The following PDCD6 variants were observed in gnomAD, a reference collection of about 807,000 sequenced individuals.
PDCD6 encodes the protein programmed cell death 6, also known as programmed cell death protein 6.
In PDCD6, 12 loss-of-function variants were observed where a neutral mutation model predicts 28.3. That is an observed-to-expected ratio of 0.42 (90% confidence interval 0.27 to 0.69). PDCD6 has a LOEUF of 0.69. Among genes scored for constraint, PDCD6 ranks in the 30% least tolerant of loss-of-function variants. PDCD6 has a pLI of 0.22. For missense variants in PDCD6, 226 were observed against 269.9 expected (o/e 0.84, Z 1.14); for synonymous variants, 92 against 108.0 (o/e 0.85, Z 0.92).
intron 4 of PDCD6, 136 bp from the exon 5 acceptor site, chr5:311,157 G>A: frequency 1.4e-6 from 1 of 695,868 alleles, no homozygotes. Flanking sequence ...GCCTTTGAGG[G>A]AATTTGCACT....
At chr5:290,273 C>A in intron 2 of PDCD6, 1 of 1,482,938 alleles carries the variant, frequency 6.7e-7, no homozygotes. Flanking sequence ...TTCCTTTTTC[C>A]CCTCTTCTCA....
intron 2 of PDCD6, among the ~76,000 whole-genome samples, chr5:301,923 A>C (rs1740082719): frequency 6.8e-6 from 1 of 146,610 alleles, no homozygotes; most frequent in Non-Finnish European, 1.5e-5. Context: ...CTTTGTGGGA[A>C]GAGCACAGCT....
At chr5:291,931 C>T (rs1579509689) in intron 2 of PDCD6, among the ~76,000 whole-genome samples, 2 of 152,332 alleles carry the variant, frequency 1.3e-5, no homozygotes, top group Admixed American at 6.5e-5. Context: ...AATTTCATCC[C>T]AGGTAAGAAA....
chr5:299,650 C>A (rs1359828572), intron 2 of PDCD6, among the ~76,000 whole-genome samples: 1 of 151,970 alleles, frequency 6.6e-6, no homozygotes, highest in South Asian at 2.1e-4. Context: ...CCCGGGTTCA[C>A]GCCATTCTCC....
At chr5:280,484 C>T (rs1303221395) in intron 2 of PDCD6, among the ~76,000 whole-genome samples, 2 of 148,972 alleles carry the variant, frequency 1.3e-5, no homozygotes, top group African/African-American at 2.5e-5. Flanking sequence ...GACCATAGAC[C>T]GAAGTAGAGG....
At chr5:308,605 A>G (rs1022575353) in intron 4 of PDCD6, 9 of 152,138 alleles carry the variant, frequency 5.9e-5, no homozygotes, top group African/African-American at 2.2e-4. Context: ...TATTTTGATG[A>G]TTTTGAAAGA....
intron 2 of PDCD6, among the ~76,000 whole-genome samples, chr5:291,086 A>C (rs60160785): frequency 0.093 from 14,170 of 151,762 alleles, 2,035 homozygotes; most frequent in African/African-American, 0.32. Flanking sequence ...GCCCTGCCTG[A>C]GTCCCGGGTC....
chr5:314,518 C>A lies in PDCD6; in HGVS notation c.*3C>A. The stretch of plus-strand genomic sequence containing the variant: ...CCATGGTCTTCAGTATCGTATGACC[C>A]TGGCCTCTCGTGAAGAGCAGCACAA... On this transcript the variant is annotated 3_prime_UTR_variant, in exon 6 of 6. Transcript: ENST00000264933. 6.2e-7 allele frequency: 1 copy of A among 1,603,330 alleles called. No individual in the cohort carries two copies. Among genetic ancestry groups the A allele is most frequent in the Non-Finnish European group, 8.5e-7 (1 of 1,170,428 alleles).
At chr5:297,944 A>C (rs952128429) in intron 2 of PDCD6, among the ~76,000 whole-genome samples, 3 of 152,244 alleles carry the variant, frequency 2.0e-5, no homozygotes, top group Non-Finnish European at 2.9e-5. Flanking sequence ...TCTTAAAAAG[A>C]GATCTCAAGC....
chr5:271,839 C>T lies in PDCD6; in HGVS notation c.101+18C>T, dbSNP rs1453158282. 2 of 1,325,456 alleles carry T rather than the reference C, an allele frequency of 1.5e-6. No homozygotes were observed. The highest frequency in any genetic ancestry group is 2.9e-5 in the East Asian group (1 of 34,514). The allele number at this position is 1,325,456 out of a possible 1,614,324, so 82.1% of individuals were successfully genotyped here. ...TTCCAGAGGTGCGGCCTGGCACCGC[C>T]CGGGCACCTCCCGCCTCCGCCGCGG... On this transcript the variant is annotated intron_variant, in intron 1 of 5. Coordinates refer to ENST00000264933, the MANE Select transcript of PDCD6 (RefSeq NM_013232.4).
intron 2 of PDCD6, among the ~76,000 whole-genome samples, chr5:297,691 C>T (rs919374311): frequency 6.6e-6 from 1 of 152,196 alleles, no homozygotes; most frequent in African/African-American, 2.4e-5. Context: ...TCGCAAACGG[C>T]CCACAAGAAA....
intron 2 of PDCD6, among the ~76,000 whole-genome samples, chr5:283,186 G>A (rs1233169514): frequency 6.6e-6 from 1 of 151,540 alleles, no homozygotes; most frequent in Non-Finnish European, 1.5e-5. Context: ...AGGAGCTGAT[G>A]ATCTAGATTC....
intron 2 of PDCD6, among the ~76,000 whole-genome samples, chr5:297,899 A>AATCG (rs1739721572): frequency 6.6e-6 from 1 of 152,258 alleles, no homozygotes; most frequent in Non-Finnish European, 1.5e-5. Flanking sequence ...GAAAAAAGAA[A>AATCG]ATCGACTTAT....
At chr5:300,575 A>T (rs918179290) in intron 2 of PDCD6, among the ~76,000 whole-genome samples, 1 of 152,246 alleles carries the variant, frequency 6.6e-6, no homozygotes, top group African/African-American at 2.4e-5. Context: ...TGGGCAAAGC[A>T]CAGCATCTAC....
At chr5:280,326 T>G (rs1471663945) in intron 2 of PDCD6, among the ~76,000 whole-genome samples, 1 of 151,996 alleles carries the variant, frequency 6.6e-6, no homozygotes, top group East Asian at 1.9e-4. Flanking sequence ...GGGAGAGACC[T>G]TAGGCCAGAG....
rs755882063 is a variant in PDCD6, at chr5:306,591, C to T, written c.209-11C>T. On this transcript the variant is annotated splice_polypyrimidine_tract_variant and intron_variant, in intron 3 of 5. Transcript: ENST00000264933. ...GATCTTTTGCTGCTTGACCGTTCCTCTCTGTCTCAGCCATGTTTGACCGTG... is the reference window on the plus strand; with the variant it reads ...GATCTTTTGCTGCTTGACCGTTCCTTTCTGTCTCAGCCATGTTTGACCGTG... 1.2e-6 allele frequency: 2 copies of T among 1,612,090 alleles called. No homozygotes were observed. The highest frequency in any genetic ancestry group is 1.7e-6 in the Non-Finnish European group (2 of 1,178,594).
chr5:275,292 G>A (rs562514554), intron 2 of PDCD6, among the ~76,000 whole-genome samples: 36 of 152,282 alleles, frequency 2.4e-4, no homozygotes, highest in South Asian at 1.0e-3. Context: ...CTTGTGCTGG[G>A]GGCATGTGGC....
At chr5:277,333 T>G (rs1471578860) in intron 2 of PDCD6, among the ~76,000 whole-genome samples, 4 of 124,156 alleles carry the variant, frequency 3.2e-5, no homozygotes, top group Admixed American at 1.8e-4. Flanking sequence ...TGAGGCAGAG[T>G]CTCTGTCGCC....
At chr5:293,093 G>A (rs902761662) in intron 2 of PDCD6, among the ~76,000 whole-genome samples, 1 of 152,160 alleles carries the variant, frequency 6.6e-6, no homozygotes, top group Non-Finnish European at 1.5e-5. Flanking sequence ...ACCCCCATCA[G>A]CACCTCCCCC....
Sources: gnomAD v4.1 joint callset for allele counts (sites outside exome capture counted in the v4.1 genomes callset) on GRCh38, gnomAD v4.1.1 for gene constraint, MANE v1.5 for transcripts, NCBI Gene and HGNC (gene_info 2026-07-23, HGNC 2026-07-21) for gene names.